Variants in SHARPIN observed in about 807,000 individuals in gnomAD.
The protein encoded by SHARPIN is SHANK associated RH domain interactor.
A neutral mutation model predicts 40.3 loss-of-function variants in SHARPIN; 25 were observed. The ratio of observed to expected loss-of-function variants is 0.62; its 90% confidence interval spans 0.45 to 0.87. The LOEUF is 0.87. Ranked by LOEUF, SHARPIN falls within the 40% of genes least tolerant of loss-of-function variation. SHARPIN has a pLI of 0.00. For synonymous variants in SHARPIN, 274 were observed against 221.8 expected (o/e 1.24, Z -2.09); for missense variants, 551 against 516.1 (o/e 1.07, Z -0.66).
chr8:144,099,587 C>G lies in SHARPIN; in HGVS notation c.691G>C (p.Ala231Pro). Reference protein sequence around the residue: ...LQVTLEDAASAASAASSAHVA... With the variant: ...LQVTLEDAASPASAASSAHVA... ...TGTGCAGAGGACGCGGCGGATGCGG[C>G]AGAGGCAGCGTCTTCAAGTGTGACC... The change falls in exon 5 of 9, where the codon GCC becomes CCC. Residue 231 changes from alanine to proline, a missense_variant. Physicochemically the swap from Ala to Pro is conservative, Grantham distance 27. Transcript: ENST00000398712. The G allele has an allele frequency of 6.2e-7, 1 of 1,614,074 alleles. No homozygotes were observed.
intron 2 of SHARPIN, among the ~76,000 whole-genome samples, chr8:144,101,492 T>TCCA (rs1459087431): frequency 9.0e-5 from 13 of 144,672 alleles, no homozygotes; most frequent in Non-Finnish European, 1.8e-4. Context: ...CACTGCAAGC[T>TCCA]CCACCTCCTG....
Position 144,098,663 on chromosome 8 carries a change from C to T in SHARPIN, c.*138G>A, listed in dbSNP as rs188600709. On this transcript the variant is annotated 3_prime_UTR_variant, in exon 9 of 9. Transcript: ENST00000398712. ...GGCTCTTAAGGGTCTTTAATGGTTT[C>T]ATTTTGTGGCCCTTCCCCCCAACCC... 91 of 454,120 alleles carry T rather than the reference C, an allele frequency of 2.0e-4. 1 individual carries two copies. Among genetic ancestry groups the T allele is most frequent in the African/African-American group, 1.4e-3 (68 of 48,090 alleles). 28.1% of individuals were successfully genotyped at this position (454,120 alleles called of 1,614,324 possible).
In SHARPIN at chr8:144,098,683, C is replaced by G; in HGVS notation, c.*118G>C. ...GGTTTCATTTTGTGGCCCTTCCCCC[C>G]AACCCTGGTGACTGTCCCAGCAAGC... On this transcript the variant is annotated 3_prime_UTR_variant, in exon 9 of 9. Coordinates refer to ENST00000398712, the MANE Select transcript of SHARPIN (RefSeq NM_030974.4). 2.0e-6 allele frequency: 1 copy of G among 495,368 alleles called. No individual in the cohort carries two copies. Among genetic ancestry groups the G allele is most frequent in the South Asian group, 2.8e-5 (1 of 35,684 alleles). 30.7% of individuals were successfully genotyped at this position (495,368 alleles called of 1,614,324 possible).
chr8:144,101,637 C>T (rs565007645), intron 2 of SHARPIN, among the ~76,000 whole-genome samples: 1 of 141,568 alleles, frequency 7.1e-6, no homozygotes, highest in South Asian at 2.2e-4. Context: ...AGGATGGTCT[C>T]GATCTCTTAA....
rs927468760 is a variant in SHARPIN, at chr8:144,099,804, T to A, written c.558A>T (p.Gly186=). 13 of 1,612,840 alleles carry A rather than the reference T, an allele frequency of 8.1e-6. No homozygotes were observed. Among genetic ancestry groups the A allele is most frequent in the Non-Finnish European group, 1.1e-5 (13 of 1,179,978 alleles). ...CCACTTGGGCTGCCCCCTTCTCGTC[T>A]CCACCTGCAATAGCCCGGGCCAGGC... ...AGSLARAIAG[G]DEKGAAQVAA... is the part of the protein sequence containing the mutation. Residue 186 remains glycine, a synonymous_variant, in exon 4 of 9, where the codon GGA becomes GGT. Transcript: ENST00000398712.
chr8:144,099,738 C>G lies in SHARPIN; in HGVS notation c.624G>C (p.Gln208His). Reference sequence around the variant, plus strand: ...CAGGTGGGAAGCAGGCCTCCTGAAGCTGAACACTCAGGGCCACACGATGCT... The same window carrying G: ...CAGGTGGGAAGCAGGCCTCCTGAAGGTGAACACTCAGGGCCACACGATGCT... ...LAQHRVALSV[Q>H]LQEACFPPGP... Residue 208 changes from glutamine to histidine, a missense_variant, in exon 4 of 9, where the codon CAG becomes CAC. Coordinates refer to ENST00000398712, the MANE Select transcript of SHARPIN (RefSeq NM_030974.4). 2.5e-6 allele frequency: 4 copies of G among 1,613,514 alleles called. No individual in the cohort carries two copies. The highest frequency in any genetic ancestry group is 3.4e-6 in the Non-Finnish European group (4 of 1,179,992).
Position 144,099,760 on chromosome 8 carries a change from T to C in SHARPIN, c.602A>G (p.His201Arg). Residue 201 changes from histidine to arginine, a missense_variant, in exon 4 of 9, where the codon CAT becomes CGT. His to Arg is a conservative substitution (Grantham distance 29, BLOSUM62 0). Transcript: ENST00000398712. ...AAGCTGAACACTCAGGGCCACACGA[T>C]GCTGGGCCAGGACGGCTGCCACTTG... is the stretch of plus-strand genomic sequence containing the variant. ...AAQVAAVLAQ[H>R]RVALSVQLQE... 1 of 1,613,278 alleles carries C rather than the reference T, an allele frequency of 6.2e-7. No individual in the cohort carries two copies.
At position 144,102,568 on chromosome 8, in the gene SHARPIN, C is replaced by T. The variant is rs144249942; in HGVS notation, c.376+483G>A. 477 of 172,646 alleles carry T rather than the reference C, an allele frequency of 2.8e-3. 2 individuals are homozygous for T. The highest frequency in any genetic ancestry group is 0.011 in the African/African-American group (447 of 41,746). The allele number at this position is 172,646 out of a possible 1,614,324, so 10.7% of individuals were successfully genotyped here. On this transcript the variant is annotated intron_variant, in intron 2 of 8. Transcript: ENST00000398712. Reference sequence around the variant, plus strand: ...AATTACAGGCGTGAGCCACCCCACCCGGCCACTAATTCCATCTTCTAAGCA... The same window carrying T: ...AATTACAGGCGTGAGCCACCCCACCTGGCCACTAATTCCATCTTCTAAGCA...
rs562533242 is a variant in SHARPIN at position 144,099,283 on chromosome 8, C to A, written c.916G>T (p.Ala306Ser). 6.8e-6 allele frequency: 11 copies of A among 1,614,134 alleles called. No individual in the cohort carries two copies. The Middle Eastern group carries it at 4.9e-4, about 73-fold the overall frequency. ...FLYLLSAPREAPATGPSPQHP... is the reference protein window; with the variant it reads ...FLYLLSAPRESPATGPSPQHP... The stretch of plus-strand genomic sequence containing the variant: ...ACCCCCATCGAGGACTGACCTGGGG[C>A]TTCTCGAGGAGCTGACAGCAAGTAG... The change falls in exon 6 of 9, where the codon GCC becomes TCC. Residue 306 changes from alanine (A) to serine (S), a missense_variant. Ala to Ser is a moderately conservative substitution (Grantham distance 99). Coordinates refer to ENST00000398712, the MANE Select transcript of SHARPIN (RefSeq NM_030974.4).
At chr8:144,101,575 ATTTTTTTTT>A (rs58173496) in intron 2 of SHARPIN, among the ~76,000 whole-genome samples, 2 of 87,530 alleles carry the variant, frequency 2.3e-5, no homozygotes, top group Non-Finnish European at 4.5e-5. Flanking sequence ...CACCCAGCTA[ATTTTTTTTT>A]TTTTTTTTTT....
chr8:144,103,299 T>C, intron 1 of SHARPIN, 74 bp from the exon 2 acceptor site: 1 of 1,480,236 alleles, frequency 6.8e-7, no homozygotes, highest in Non-Finnish European at 9.2e-7. Flanking sequence ...AAATACAAGG[T>C]AACATTTATA....
At position 144,100,050 on chromosome 8, in the gene SHARPIN, T is replaced by C; in HGVS notation, c.396A>G (p.Pro132=). The C allele has an allele frequency of 1.9e-6, 3 of 1,582,386 alleles. No individual in the cohort carries two copies. The highest frequency in any genetic ancestry group is 2.6e-6 in the Non-Finnish European group (3 of 1,164,158). ...EGQNGSKSNS[P]PALGPEACPV... is the part of the protein sequence containing the mutation. ...GGCATGCTTCTGGGCCCAAGGCTGGTGGTGAGTTGCTCTTGCTGCCTAGAG... is the reference window on the plus strand; with the variant it reads ...GGCATGCTTCTGGGCCCAAGGCTGGCGGTGAGTTGCTCTTGCTGCCTAGAG... The change falls in exon 3 of 9, where the codon CCA becomes CCG. Residue 132 remains proline (P), a synonymous_variant. Coordinates refer to ENST00000398712, the MANE Select transcript of SHARPIN (RefSeq NM_030974.4).
chr8:144,102,275 CT>C (rs11433813), intron 2 of SHARPIN, among the ~76,000 whole-genome samples: 44 of 136,656 alleles, frequency 3.2e-4, no homozygotes, highest in Admixed American at 3.0e-4. Context: ...ATTCCATCTT[CT>C]TTTTTTTTTT....
Position 144,103,180 on chromosome 8 carries a change from C to T in SHARPIN, c.247G>A (p.Gly83Ser), listed in dbSNP as rs1476638599. Residue 83 changes from glycine to serine, a missense_variant, in exon 2 of 9, where the codon GGC becomes AGC. Physicochemically the swap from Gly to Ser is moderately conservative, Grantham distance 56. Transcript: ENST00000398712. ...PLESVSYTIRGPTQHELQPPP... is the reference protein window; with the variant it reads ...PLESVSYTIRSPTQHELQPPP... Reference sequence around the variant, plus strand: ...GGCTGTAGCTCGTGCTGGGTGGGGCCTCGGATGGTGTAGGAAACTGACTCC... The same window carrying T: ...GGCTGTAGCTCGTGCTGGGTGGGGCTTCGGATGGTGTAGGAAACTGACTCC... 1 of 1,613,378 alleles carries T rather than the reference C, an allele frequency of 6.2e-7. No individual in the cohort carries two copies. Among genetic ancestry groups the T allele is most frequent in the Admixed American group, 1.7e-5 (1 of 59,994 alleles).
chr8:144,100,091 G>A, intron 2 of SHARPIN, 22 bp from the exon 3 acceptor site: 1 of 1,548,982 alleles, frequency 6.5e-7, no homozygotes, highest in Non-Finnish European at 8.7e-7. Context: ...ATATGGGTGT[G>A]CTGTGCTGTG....
In SHARPIN at chr8:144,102,076, A is replaced by C. The variant is rs145703823; in HGVS notation, c.376+975T>G. Among the ~76,000 whole-genome samples, 30 of 152,150 alleles carry C rather than the reference A, an allele frequency of 2.0e-4. No homozygotes were observed. In the East Asian group the frequency reaches 4.6e-3, roughly 24 times the overall value. ...GTCTCAACTGCTAACTCTTCCATTT[A>C]AGCAGCCATGTGAGCCAGGGGCAGT... On this transcript the variant is annotated intron_variant, in intron 2 of 8. Transcript: ENST00000398712.
intron 2 of SHARPIN, chr8:144,102,814 G>A (rs1024206744): frequency 4.7e-6 from 3 of 632,330 alleles, no homozygotes; most frequent in East Asian, 2.6e-5. Context: ...TGCAGGCTGA[G>A]GTTCCAGGGC....
At chr8:144,102,958 C>T (rs1836317937) in intron 2 of SHARPIN, 93 bp downstream of exon 2, 2 of 1,498,970 alleles carry the variant, frequency 1.3e-6, no homozygotes, top group Non-Finnish European at 1.8e-6. Context: ...CCCAGACATC[C>T]AGCAGTGGGG....
intron 2 of SHARPIN, 116 bp from the exon 3 acceptor site, chr8:144,100,185 A>G (rs1836263091): frequency 1.1e-5 from 14 of 1,305,340 alleles, no homozygotes; most frequent in Non-Finnish European, 1.3e-5. Context: ...GCCCTGCCTC[A>G]GGCCACACTT....
Sources: allele counts gnomAD v4.1 joint callset (sites outside exome capture counted in the v4.1 genomes callset), GRCh38; gene constraint gnomAD v4.1.1; transcripts MANE v1.5; gene names NCBI Gene and HGNC (gene_info 2026-07-23, HGNC 2026-07-21).